The following VTI1A variants were observed in gnomAD, a reference collection of about 807,000 sequenced individuals.
VTI1A encodes vesicle transport through interaction with t-SNAREs 1A.
VTI1A carries 22 observed loss-of-function variants against 34.9 expected under a neutral mutation model. That is an observed-to-expected ratio of 0.63 (90% CI 0.45 to 0.90). VTI1A has a LOEUF of 0.90. VTI1A is among the 40% of genes least tolerant of loss of function. The pLI is 0.00. For missense variants in VTI1A, 268 were observed against 275.6 expected (o/e 0.97, Z 0.20); for synonymous variants, 87 against 97.3 (o/e 0.89, Z 0.62).
At chr10:112,525,226 T>C (rs1183741759) in intron 3 of VTI1A, among the ~76,000 whole-genome samples, 2 of 152,204 alleles carry the variant, frequency 1.3e-5, no homozygotes, top group Admixed American at 1.3e-4. Context: ...ACTTCTTTAC[T>C]CTGTCCTCCT....
At position 112,572,881 on chromosome 10, in the gene VTI1A, G is replaced by A. The variant is rs368047040; in HGVS notation, c.427+34551G>A. Among the ~76,000 whole-genome samples, 10 of 151,414 alleles carry A rather than the reference G, an allele frequency of 6.6e-5. No homozygotes were observed. In the East Asian group the frequency reaches 1.7e-3, roughly 26 times the overall value. On this transcript the variant is annotated intron_variant, in intron 5 of 7. Coordinates refer to ENST00000393077, the MANE Select transcript of VTI1A (RefSeq NM_145206.4). The stretch of plus-strand genomic sequence containing the variant: ...AAAAGAAATGTTCTCTCTTCTTCAG[G>A]AAACCATGAACTGTATTTTAATGGT...
chr10:112,488,370 C>T (rs1229179715), intron 3 of VTI1A, among the ~76,000 whole-genome samples: 5 of 152,260 alleles, frequency 3.3e-5, no homozygotes, highest in South Asian at 4.1e-4. Context: ...GTCCAACTAG[C>T]TATTCTCTGT....
chr10:112,531,007 A>G (rs2134233447), intron 4 of VTI1A, among the ~76,000 whole-genome samples: 1 of 150,976 alleles, frequency 6.6e-6, no homozygotes, highest in South Asian at 2.1e-4. Flanking sequence ...CAGAGACAGC[A>G]GTCGCGTTAT....
At chr10:112,809,693 A>C (rs925975304) in intron 7 of VTI1A, among the ~76,000 whole-genome samples, 2 of 152,246 alleles carry the variant, frequency 1.3e-5, no homozygotes, top group African/African-American at 4.8e-5. Context: ...CGTGACCCTG[A>C]GCACGTGTAG....
Position 112,618,534 on chromosome 10 carries a change from G to GAGAGAGAA in VTI1A, c.428-49677_428-49676insAAGAGAGA, listed in dbSNP as rs1554922608. ...ATATATATATATATATAGAGAGAGA[G>GAGAGAGAA]AGAGAGAGAGAGAGTAAATGTCAAA... is the stretch of plus-strand genomic sequence containing the variant. On this transcript the variant is annotated intron_variant, in intron 5 of 7. Transcript: ENST00000393077. 8.2e-3 allele frequency among the ~76,000 whole-genome samples: 1,051 copies of GAGAGAGAA among 128,720 alleles called. 13 individuals are homozygous for GAGAGAGAA. The highest frequency in any genetic ancestry group is 0.025 in the East Asian group (107 of 4,208). The allele number at this position is 128,720 out of a possible 152,430, so 84.4% of individuals were successfully genotyped here. A position where few individuals can be genotyped will look rare whatever the true frequency, so the allele number is the denominator to read the frequency against.
chr10:112,621,351 A>G (rs141739458), intron 5 of VTI1A, among the ~76,000 whole-genome samples: 4 of 152,324 alleles, frequency 2.6e-5, no homozygotes, highest in Non-Finnish European at 4.4e-5. Flanking sequence ...TTCTCAATGT[A>G]TTTGGTCACA....
intron 3 of VTI1A, among the ~76,000 whole-genome samples, chr10:112,507,927 C>T (rs560254497): frequency 6.6e-6 from 1 of 152,152 alleles, no homozygotes; most frequent in African/African-American, 2.4e-5. Flanking sequence ...TGGCTCTCTT[C>T]TCTTTAAGAA....
At chr10:112,740,631 T>C (rs1054372997) in intron 7 of VTI1A, among the ~76,000 whole-genome samples, 1 of 152,210 alleles carries the variant, frequency 6.6e-6, no homozygotes, top group African/African-American at 2.4e-5. Context: ...GAGATACTAC[T>C]TCCCACCTAC....
In VTI1A at chr10:112,487,139, T is replaced by C. The variant is rs555864872; in HGVS notation, c.264+22482T>C. 1.1e-4 allele frequency among the ~76,000 whole-genome samples: 17 copies of C among 152,292 alleles called. No homozygotes were observed. In the South Asian group the frequency reaches 3.1e-3, roughly 28 times the overall value. On this transcript the variant is annotated intron_variant, in intron 3 of 7. Coordinates refer to ENST00000393077, the MANE Select transcript of VTI1A (RefSeq NM_145206.4). Reference sequence around the variant, plus strand: ...ACTGAACAAACTTAAATGCTTTTTTTTTGAGACAGAGTCACACTGTGTCCC... The same window carrying C: ...ACTGAACAAACTTAAATGCTTTTTTCTTGAGACAGAGTCACACTGTGTCCC...
At chr10:112,625,640 C>A (rs376125113) in intron 5 of VTI1A, among the ~76,000 whole-genome samples, 43 of 82,564 alleles carry the variant, frequency 5.2e-4, no homozygotes, top group Admixed American at 6.0e-4. Flanking sequence ...AACTCTGTCT[C>A]AAAAAAAAAA....
intron 7 of VTI1A, among the ~76,000 whole-genome samples, chr10:112,698,087 A>G (rs1848860680): frequency 1.3e-5 from 2 of 152,202 alleles, no homozygotes; most frequent in Admixed American, 6.5e-5. Context: ...AAGCTAAAAT[A>G]TTCAGCAAAT....
At chr10:112,550,075 A>G (rs1851292269) in intron 5 of VTI1A, among the ~76,000 whole-genome samples, 1 of 152,148 alleles carries the variant, frequency 6.6e-6, no homozygotes, top group Admixed American at 6.5e-5. Context: ...TAATCTGTTA[A>G]AAAGTGTTAT....
intron 5 of VTI1A, 100 bp from the exon 6 acceptor site, chr10:112,668,118 G>A: frequency 3.6e-6 from 3 of 831,478 alleles, no homozygotes; most frequent in Admixed American, 4.2e-5. Context: ...TATAATGCAT[G>A]CATGCAACTT....
intron 3 of VTI1A, among the ~76,000 whole-genome samples, chr10:112,480,940 C>T (rs1034916827): frequency 6.6e-6 from 1 of 152,096 alleles, no homozygotes; most frequent in Non-Finnish European, 1.5e-5. Flanking sequence ...TTAGGAAATA[C>T]TGAGCCAGAG....
intron 3 of VTI1A, among the ~76,000 whole-genome samples, chr10:112,525,606 A>T (rs1850196024): frequency 6.6e-6 from 1 of 152,200 alleles, no homozygotes; most frequent in Admixed American, 6.6e-5. Context: ...AGCCTTTTCA[A>T]CTGGGTTCTG....
chr10:112,579,528 A>G (rs1003335466), intron 5 of VTI1A, among the ~76,000 whole-genome samples: 1 of 152,120 alleles, frequency 6.6e-6, no homozygotes, highest in Non-Finnish European at 1.5e-5. Context: ...ATAGTGAGAC[A>G]TTGTCTTTTA....
chr10:112,491,588 T>C (rs1254769166), intron 3 of VTI1A, among the ~76,000 whole-genome samples: 4 of 152,242 alleles, frequency 2.6e-5, no homozygotes, highest in Admixed American at 1.3e-4. Flanking sequence ...TTGATTTTAG[T>C]AATATATTTT....
chr10:112,563,654 C>A (rs975859650), intron 5 of VTI1A, among the ~76,000 whole-genome samples: 2 of 152,152 alleles, frequency 1.3e-5, no homozygotes, highest in Admixed American at 6.5e-5. Context: ...TGAAGGCCAA[C>A]AATGAAAGAC....
chr10:112,565,899 C>T (rs929010190), intron 5 of VTI1A, among the ~76,000 whole-genome samples: 7 of 151,804 alleles, frequency 4.6e-5, no homozygotes, highest in Admixed American at 4.6e-4. Flanking sequence ...TTTACTATTT[C>T]CCATAGATGT....
Sources: gnomAD v4.1 joint callset for allele counts (sites outside exome capture counted in the v4.1 genomes callset) on GRCh38, gnomAD v4.1.1 for gene constraint, MANE v1.5 for transcripts, NCBI Gene and HGNC (gene_info 2026-07-23, HGNC 2026-07-21) for gene names.